The following RIMBP2 variants were observed in gnomAD, a reference collection of about 807,000 sequenced individuals.
RIMBP2 encodes the protein RIMS-binding protein 2.
RIMBP2 carries 48 observed loss-of-function variants against 118.6 expected under a neutral mutation model. That is an observed-to-expected ratio of 0.40 (90% CI 0.32 to 0.51). The LOEUF is 0.51. Among genes scored for constraint, RIMBP2 ranks in the 20% least tolerant of loss-of-function variants. The probability of loss-of-function intolerance (pLI) is 0.41; values close to 1 mark genes in which losing one functional copy is unlikely to be tolerated. For synonymous variants in RIMBP2, 762 were observed against 742.9 expected, an observed-to-expected ratio of 1.03 and a Z score of -0.42; for missense variants, 1,551 against 1,768.3, an observed-to-expected ratio of 0.88 and a Z score of 2.20.
chr12:130,519,892 T>C (rs1185698685), intron 2 of RIMBP2, among the ~76,000 whole-genome samples: 1 of 152,154 alleles, frequency 6.6e-6, no homozygotes, highest in Admixed American at 6.5e-5. Context: ...GTTGTGAGGA[T>C]TCAAGGACAT....
chr12:130,476,430 C>G (rs181926511), intron 5 of RIMBP2, among the ~76,000 whole-genome samples: 9 of 152,286 alleles, frequency 5.9e-5, no homozygotes, highest in Admixed American at 2.6e-4. Flanking sequence ...GGCCAGTCTT[C>G]AGCTAATCCG....
intron 2 of RIMBP2, among the ~76,000 whole-genome samples, chr12:130,555,965 C>T (rs867918247): frequency 6.6e-5 from 10 of 152,160 alleles, no homozygotes; most frequent in Non-Finnish European, 1.0e-4. Context: ...AGGCAGCACC[C>T]GACAGGAACA....
intron 2 of RIMBP2, among the ~76,000 whole-genome samples, chr12:130,606,802 G>A (rs192615361): frequency 7.2e-4 from 110 of 152,176 alleles, no homozygotes; most frequent in African/African-American, 2.2e-3. Flanking sequence ...AATGTCTCCA[G>A]GCCGCAACAG....
intron 2 of RIMBP2, among the ~76,000 whole-genome samples, chr12:130,577,211 T>C (rs2058145052): frequency 6.6e-6 from 1 of 152,178 alleles, no homozygotes; most frequent in South Asian, 2.1e-4. Flanking sequence ...ACAGGGATGG[T>C]AACGGTGCCT....
At chr12:130,711,133 C>T (rs1949889061) in intron 1 of RIMBP2, among the ~76,000 whole-genome samples, 1 of 152,208 alleles carries the variant, frequency 6.6e-6, no homozygotes, top group Non-Finnish European at 1.5e-5. Flanking sequence ...ATCCTAGCTA[C>T]TCAGGAGGCT....
chr12:130,479,874 G>A (rs2081806358), intron 4 of RIMBP2, among the ~76,000 whole-genome samples: 1 of 151,556 alleles, frequency 6.6e-6, no homozygotes, highest in Admixed American at 6.6e-5. Context: ...AGTGCTCAGG[G>A]TTTAACTCTC....
chr12:130,518,205 G>A (rs573369789), intron 2 of RIMBP2, among the ~76,000 whole-genome samples: 2 of 152,230 alleles, frequency 1.3e-5, no homozygotes, highest in African/African-American at 4.8e-5. Flanking sequence ...GGAACTTCTC[G>A]CCAATTGGAG....
chr12:130,448,478 G>A (rs146221126), intron 9 of RIMBP2, among the ~76,000 whole-genome samples: 5 of 152,368 alleles, frequency 3.3e-5, no homozygotes, highest in East Asian at 3.9e-4. Context: ...GCTTGGCTGG[G>A]AAGCCACCTC....
At position 130,703,633 on chromosome 12, in the gene RIMBP2, C is replaced by T. The variant is rs1220591773; in HGVS notation, c.-352+12589G>A. 6.6e-6 allele frequency among the ~76,000 whole-genome samples: 1 copy of T among 152,188 alleles called. No individual in the cohort carries two copies. Among genetic ancestry groups the T allele is most frequent in the South Asian group, 2.1e-4 (1 of 4,830 alleles). ...TAGCCCTCACGTGACTAGGGGCCAC[C>T]GCCTAACCCTGATTAGCGCTCTACA... On this transcript the variant is annotated intron_variant, in intron 1 of 22. Coordinates refer to ENST00000690449, the MANE Select transcript of RIMBP2 (RefSeq NM_001393629.1). This position sits in a 1 kb window ranked among gnomAD's most constrained non-coding sequence, Gnocchi z 5.7.
intron 17 of RIMBP2, chr12:130,421,134 C>T (rs995232431): frequency 3.9e-5 from 6 of 152,114 alleles, no homozygotes; most frequent in Non-Finnish European, 7.3e-5. Flanking sequence ...ACATGAAAGC[C>T]AGGAGAACCG....
intron 1 of RIMBP2, among the ~76,000 whole-genome samples, chr12:130,674,774 A>C (rs1015259226): frequency 7.0e-4 from 100 of 143,170 alleles, no homozygotes; most frequent in South Asian, 1.7e-3. Flanking sequence ...CCCATTCCCC[A>C]CCCCCGCCCC....
At chr12:130,674,865 G>A (rs192166589) in intron 1 of RIMBP2, among the ~76,000 whole-genome samples, 3 of 152,010 alleles carry the variant, frequency 2.0e-5, no homozygotes, top group Admixed American at 6.5e-5. Context: ...CCTGTAACAC[G>A]TGGCCTTCCG....
At chr12:130,695,731 G>A (rs1317327038) in intron 1 of RIMBP2, among the ~76,000 whole-genome samples, 2 of 152,236 alleles carry the variant, frequency 1.3e-5, no homozygotes, top group Non-Finnish European at 2.9e-5. Flanking sequence ...AGAGGCCAGG[G>A]GACGAGGCAG....
intron 1 of RIMBP2, among the ~76,000 whole-genome samples, chr12:130,713,261 G>C (rs573745259): frequency 6.7e-6 from 1 of 149,336 alleles, no homozygotes; most frequent in Non-Finnish European, 1.5e-5. Flanking sequence ...AAGGAAGGAA[G>C]GAAGGAAGGA....
chr12:130,636,537 C>G (rs2062359056), intron 1 of RIMBP2, among the ~76,000 whole-genome samples: 1 of 152,166 alleles, frequency 6.6e-6, no homozygotes, highest in Admixed American at 6.5e-5. Context: ...CCAAGGGCTT[C>G]TTAAATGGAC....
chr12:130,498,371 G>C (rs912831707), intron 4 of RIMBP2, among the ~76,000 whole-genome samples: 8 of 152,234 alleles, frequency 5.3e-5, no homozygotes, highest in African/African-American at 1.9e-4. Context: ...TTTATCGAGT[G>C]TCTACTATAT....
At chr12:130,644,094 T>A (rs967445807) in intron 1 of RIMBP2, among the ~76,000 whole-genome samples, 5 of 152,164 alleles carry the variant, frequency 3.3e-5, no homozygotes, top group African/African-American at 1.2e-4. Context: ...ACAGTCCTGA[T>A]GGACATGAAG....
chr12:130,482,920 A>T (rs11060936), intron 4 of RIMBP2, among the ~76,000 whole-genome samples: 8 of 98,692 alleles, frequency 8.1e-5, no homozygotes, highest in African/African-American at 2.8e-4. Flanking sequence ...CCTCATCCAA[A>T]TACACCCATT....
At position 130,688,514 on chromosome 12, in the gene RIMBP2, A is replaced by G. The variant is rs1309349920; in HGVS notation, c.-352+27708T>C. Among the ~76,000 whole-genome samples the G allele has an allele frequency of 6.6e-6, 1 of 152,130 alleles. No homozygotes were observed. The highest frequency in any genetic ancestry group is 1.5e-5 in the Non-Finnish European group (1 of 68,026). ...CCTCCGTGGGGGCGGCCATGTGACC[A>G]AGAGCTCCCCCAAGCATGAGTCGTC... On this transcript the variant is annotated intron_variant, in intron 1 of 22. Coordinates refer to ENST00000690449, the MANE Select transcript of RIMBP2 (RefSeq NM_001393629.1). This position sits in a 1 kb window ranked among gnomAD's most constrained non-coding sequence, Gnocchi z 4.7.
Sources: gnomAD v4.1 joint callset for allele counts (sites outside exome capture counted in the v4.1 genomes callset) on GRCh38, gnomAD v4.1.1 for gene constraint, Gnocchi (gnomAD v3.1) non-coding constraint, MANE v1.5 for transcripts, NCBI Gene and HGNC (gene_info 2026-07-23, HGNC 2026-07-21) for gene names.